ZNRF3: variants seen among roughly 807,000 people sequenced by gnomAD.
ZNRF3 encodes zinc and ring finger 3.
Under a neutral mutation model 72.5 loss-of-function variants are expected in ZNRF3, and 23 were observed. That is an observed-to-expected ratio of 0.32 (90% CI 0.23 to 0.45). The LOEUF (loss-of-function observed/expected upper bound fraction) is 0.45, where lower values mean the gene tolerates loss of function less well. ZNRF3 is among the 20% of genes least tolerant of loss of function. ZNRF3 has a pLI of 1.00. For synonymous variants in ZNRF3, 610 were observed against 545.3 expected (o/e 1.12, Z -1.65); for missense variants, 1,169 against 1,272.1 (o/e 0.92, Z 1.23).
Position 29,050,469 on chromosome 22 carries a change from C to G in ZNRF3, c.2288C>G (p.Pro763Arg), listed in dbSNP as rs1007689429. Residue 763 changes from proline (P) to arginine (R), a missense_variant, in exon 8 of 9, where the codon CCC (proline) becomes CGC (arginine). Pro to Arg is a moderately radical substitution (Grantham distance 103, BLOSUM62 -2). Around this residue, in one of 2 missense-constraint regions of ZNRF3, gnomAD observed 783 missense variants for 731.4 expected, o/e 1.07. Coordinates refer to ENST00000544604, the MANE Select transcript of ZNRF3 (RefSeq NM_001206998.2). ...GSSQGLYGLH[P>R]DHLPRTDGVK... ...TCCCAGGGCTTGTACGGCCTTCACC[C>G]CGACCATTTGCCCAGGACAGATGGG... 10 of 1,612,508 alleles carry G rather than the reference C, an allele frequency of 6.2e-6. No individual in the cohort carries two copies. Among genetic ancestry groups the G allele is most frequent in the Non-Finnish European group, 5.9e-6 (7 of 1,179,832 alleles).
chr22:29,025,075 A>G (rs1432620002), intron 2 of ZNRF3: 1 of 144,180 alleles, frequency 6.9e-6, no homozygotes, highest in African/African-American at 2.6e-5. Flanking sequence ...TCCACATCCC[A>G]GGTTCAAGCA....
chr22:29,004,785 C>T lies in ZNRF3; in HGVS notation c.426+17584C>T, dbSNP rs572627864. Among the ~76,000 whole-genome samples, 560 of 152,306 alleles carry T rather than the reference C, an allele frequency of 3.7e-3. 2 individuals are homozygous for T. Among genetic ancestry groups the T allele is most frequent in the Middle Eastern group, 0.014 (4 of 294 alleles). On this transcript the variant is annotated intron_variant, in intron 2 of 8. Coordinates refer to ENST00000544604, the MANE Select transcript of ZNRF3 (RefSeq NM_001206998.2). ...AGTGGCGGCTCCTTTGATCACCTCC[C>T]GCCCGGTTCCAGTCCCTGCTGCCAG...
intron 1 of ZNRF3, among the ~76,000 whole-genome samples, chr22:28,888,957 C>CA (rs897141962): frequency 6.6e-6 from 1 of 151,762 alleles, no homozygotes. Context: ...AAAAAAAATA[C>CA]AAAAAAAATT....
At chr22:29,012,148 G>T (rs575799159) in intron 2 of ZNRF3, among the ~76,000 whole-genome samples, 1 of 152,332 alleles carries the variant, frequency 6.6e-6, no homozygotes, top group South Asian at 2.1e-4. Context: ...GAGTGCAAGT[G>T]AAGTTTCTTA....
intron 2 of ZNRF3, among the ~76,000 whole-genome samples, chr22:29,017,099 C>G (rs1024428986): frequency 1.3e-5 from 2 of 152,202 alleles, no homozygotes; most frequent in African/African-American, 4.8e-5. Flanking sequence ...AGAGCTCTGT[C>G]AGTTTTATGA....
chr22:29,026,917 C>T (rs552745260), intron 2 of ZNRF3: 2 of 152,346 alleles, frequency 1.3e-5, no homozygotes, highest in African/African-American at 4.8e-5. Flanking sequence ...CACATTTTCT[C>T]TTCAACAAGC....
At position 29,049,447 on chromosome 22, in the gene ZNRF3, C is replaced by T; in HGVS notation, c.1266C>T (p.Leu422=). ...CCTACATCCGCAGCTACCCACCCCT[C>T]CACCTGGACCACAGCCTGGCCGCTC... ...TPAYIRSYPP[L]HLDHSLAAHR... is the part of the protein sequence containing the mutation. The change falls in exon 8 of 9, where the codon CTC becomes CTT. Residue 422 remains leucine (L), a synonymous_variant. Transcript: ENST00000544604. This position sits in a 1 kb window ranked among gnomAD's most constrained non-coding sequence, Gnocchi z 5.2. 6.2e-7 allele frequency: 1 copy of T among 1,605,590 alleles called. No homozygotes were observed. The highest frequency in any genetic ancestry group is 8.5e-7 in the Non-Finnish European group (1 of 1,179,616).
intron 2 of ZNRF3, among the ~76,000 whole-genome samples, chr22:28,993,754 C>G (rs1274433186): frequency 6.6e-6 from 1 of 152,210 alleles, no homozygotes; most frequent in Non-Finnish European, 1.5e-5. Flanking sequence ...ACAATCATGG[C>G]TCACTTCAGC....
At chr22:28,955,601 G>T (rs1380129577) in intron 1 of ZNRF3, among the ~76,000 whole-genome samples, 2 of 152,192 alleles carry the variant, frequency 1.3e-5, no homozygotes, top group Admixed American at 6.5e-5. Context: ...TTGGTCTCAC[G>T]CACTGAAGTG....
Position 29,044,840 on chromosome 22 carries a change from G to A in ZNRF3, c.694G>A (p.Val232Ile), listed in dbSNP as rs1334827363. 1.2e-6 allele frequency: 2 copies of A among 1,613,992 alleles called. No individual in the cohort carries two copies. Among genetic ancestry groups the A allele is most frequent in the African/African-American group, 1.3e-5 (1 of 74,964 alleles). The change falls in exon 5 of 9, where the codon GTC becomes ATC. Residue 232 changes from valine (V) to isoleucine (I), a missense_variant. Val to Ile is a conservative substitution (Grantham distance 29). This residue lies in a region of ZNRF3 where 386 missense variants were observed against 540.7 expected (regional missense o/e 0.71). Coordinates refer to ENST00000544604, the MANE Select transcript of ZNRF3 (RefSeq NM_001206998.2). ...GGCTTTCTTCGTCGTGGTCTCCTTG[G>A]TCTGCCTCATCCTCCTTGTCAAAAT... is the stretch of plus-strand genomic sequence containing the variant. ...FLAFFVVVSL[V>I]CLILLVKIKL...
intron 2 of ZNRF3, among the ~76,000 whole-genome samples, chr22:29,035,261 G>C (rs1017308401): frequency 9.9e-5 from 15 of 152,064 alleles, no homozygotes. Flanking sequence ...TTATGTATAG[G>C]ACATCTATAC....
chr22:28,909,868 C>T (rs1359504754), intron 1 of ZNRF3, among the ~76,000 whole-genome samples: 1 of 150,182 alleles, frequency 6.7e-6, no homozygotes, highest in East Asian at 2.0e-4. Context: ...GCTGGAATTA[C>T]AGGTGTGAGC....
intron 1 of ZNRF3, among the ~76,000 whole-genome samples, chr22:28,921,367 C>G (rs1294793570): frequency 1.3e-5 from 2 of 152,214 alleles, no homozygotes; most frequent in Admixed American, 1.3e-4. Flanking sequence ...CCCTAATATT[C>G]TAAAGCCCTT....
intron 2 of ZNRF3, among the ~76,000 whole-genome samples, chr22:29,039,567 G>A (rs1473179123): frequency 6.6e-6 from 1 of 150,798 alleles, no homozygotes; most frequent in East Asian, 1.9e-4. Context: ...CCACCTAAGC[G>A]GAAAACACCA....
In ZNRF3 at chr22:29,049,387, C is replaced by T. The variant is rs1409054576; in HGVS notation, c.1206C>T (p.His402=). 7 of 1,612,068 alleles carry T rather than the reference C, an allele frequency of 4.3e-6. No homozygotes were observed. The highest frequency in any genetic ancestry group is 2.2e-5 in the South Asian group (2 of 91,060). Residue 402 remains histidine, a synonymous_variant, in exon 8 of 9, where the codon CAC becomes CAT. Coordinates refer to ENST00000544604, the MANE Select transcript of ZNRF3 (RefSeq NM_001206998.2). The surrounding 1 kb of genome is among the most constrained non-coding windows in gnomAD (Gnocchi z 5.2). The part of the protein sequence containing the change: ...NPVTLLTMDR[H]GEQSLYSPQT... ...TCACCTTGCTGACCATGGACCGGCA[C>T]GGGGAGCAGAGCCTCTATTCCCCGC...
chr22:29,042,962 A>T (rs1452766510), intron 3 of ZNRF3, among the ~76,000 whole-genome samples: 1 of 152,066 alleles, frequency 6.6e-6, no homozygotes, highest in Middle Eastern at 3.2e-3. Context: ...TTTAGTAGAG[A>T]TGGGGTTTCA....
At chr22:28,987,026 G>A (rs779216065) in intron 1 of ZNRF3, 50 bp from the exon 2 acceptor site, 3 of 1,580,742 alleles carry the variant, frequency 1.9e-6, no homozygotes, top group Admixed American at 3.6e-5. Context: ...TATGAGTCAA[G>A]CAAATGTGTA....
chr22:28,915,342 CATATT>C (rs1311675423), intron 1 of ZNRF3, among the ~76,000 whole-genome samples: 2 of 152,214 alleles, frequency 1.3e-5, no homozygotes, highest in South Asian at 4.1e-4. Context: ...GGACACCACT[CATATT>C]GTATTAGGGC....
At chr22:28,933,746 A>ACT (rs1288032470) in intron 1 of ZNRF3, among the ~76,000 whole-genome samples, 389 of 31,092 alleles carry the variant, frequency 0.013, 10 homozygotes, top group South Asian at 0.073. Flanking sequence ...ACACACACAC[A>ACT]CACTCACTCT....
Sources: allele counts gnomAD v4.1 joint callset (sites outside exome capture counted in the v4.1 genomes callset), GRCh38; gene constraint gnomAD v4.1.1; regional missense constraint gnomAD v4.1.1; non-coding constraint Gnocchi (gnomAD v3.1); transcripts MANE v1.5; gene names NCBI Gene and HGNC (gene_info 2026-07-23, HGNC 2026-07-21).